The following LRRC4C variants were observed in gnomAD, a reference collection of about 807,000 sequenced individuals.
LRRC4C encodes leucine-rich repeat-containing protein 4C.
Under a neutral mutation model 33.6 loss-of-function variants are expected in LRRC4C, and 5 were observed. The ratio of observed to expected loss-of-function variants is 0.15; its 90% CI spans 0.08 to 0.31. The LOEUF is 0.31. Among genes scored for constraint, LRRC4C ranks in the 10% least tolerant of loss-of-function variants. LRRC4C has a pLI of 1.00. For synonymous variants in LRRC4C, 329 were observed against 302.0 expected, an observed-to-expected ratio of 1.09 and a Z score of -0.93; for missense variants, 560 against 796.7, an observed-to-expected ratio of 0.70 and a Z score of 3.58.
intron 2 of LRRC4C, among the ~76,000 whole-genome samples, chr11:40,700,082 C>T (rs1158226458): frequency 6.6e-6 from 1 of 151,962 alleles, no homozygotes; most frequent in Non-Finnish European, 1.5e-5. Context: ...GGGAGGGGGA[C>T]TTTTGAATGT....
At chr11:40,213,396 C>G (rs116674518) in intron 5 of LRRC4C, among the ~76,000 whole-genome samples, 11 of 152,198 alleles carry the variant, frequency 7.2e-5, no homozygotes, top group African/African-American at 1.9e-4. Flanking sequence ...TTGAATATGT[C>G]ACGCTGGACA....
chr11:40,895,002 T>C (rs1955875930), intron 2 of LRRC4C, among the ~76,000 whole-genome samples: 1 of 152,186 alleles, frequency 6.6e-6, no homozygotes. Context: ...AGTATAATGT[T>C]AATAAATGTT....
Position 40,706,396 on chromosome 11 carries a change from A to G in LRRC4C, c.-406-58118T>C, listed in dbSNP as rs902955514. On this transcript the variant is annotated intron_variant, in intron 2 of 6. Transcript: ENST00000528697. ...TGAATTAATTTTTGTATAAGTTGCA[A>G]GGAAGGGATCCAGTTTCAGCTTTCT... 3.3e-5 allele frequency among the ~76,000 whole-genome samples: 5 copies of G among 152,192 alleles called. No individual in the cohort carries two copies. The East Asian group carries it at 9.6e-4, about 29-fold the overall frequency.
At chr11:41,381,195 C>G (rs1438490305) in intron 1 of LRRC4C, among the ~76,000 whole-genome samples, 1 of 152,062 alleles carries the variant, frequency 6.6e-6, no homozygotes, top group Non-Finnish European at 1.5e-5. Context: ...TAACACCTCA[C>G]TGTTAAACTT....
chr11:41,076,029 C>T (rs1939126920), intron 1 of LRRC4C, among the ~76,000 whole-genome samples: 2 of 152,128 alleles, frequency 1.3e-5, no homozygotes, highest in South Asian at 4.1e-4. Context: ...CATTAAAGTG[C>T]CTTCTGTATT....
At chr11:40,134,052 A>G (rs560807224) in intron 6 of LRRC4C, among the ~76,000 whole-genome samples, 1 of 152,218 alleles carries the variant, frequency 6.6e-6, no homozygotes, top group Admixed American at 6.5e-5. Flanking sequence ...GAGGTATTAT[A>G]GCAGCACACA....
chr11:40,223,107 C>G (rs183304337), intron 5 of LRRC4C, among the ~76,000 whole-genome samples: 1 of 152,180 alleles, frequency 6.6e-6, no homozygotes, highest in Admixed American at 6.5e-5. Context: ...TTATAAAAGA[C>G]TTTGAATGGC....
intron 2 of LRRC4C, among the ~76,000 whole-genome samples, chr11:40,851,361 C>A (rs1158104708): frequency 6.6e-6 from 1 of 152,060 alleles, no homozygotes; most frequent in African/African-American, 2.4e-5. Context: ...ACAGCACAGT[C>A]CCTCATGGCT....
Position 40,817,479 on chromosome 11 carries a change from C to T in LRRC4C, c.-407+116156G>A, listed in dbSNP as rs576247903. ...AACGGTTATTCTGGCAAGACATAGT[C>T]CACCTGTCTTAGTAGAACTTAGTAG... On this transcript the variant is annotated intron_variant, in intron 2 of 6. Transcript: ENST00000528697. Among the ~76,000 whole-genome samples the T allele has an allele frequency of 2.6e-3, 391 of 152,216 alleles. 1 individual carries two copies. Among genetic ancestry groups the T allele is most frequent in the Non-Finnish European group, 4.1e-3 (276 of 67,990 alleles).
At chr11:41,374,969 T>C (rs1431050787) in intron 1 of LRRC4C, among the ~76,000 whole-genome samples, 1 of 151,706 alleles carries the variant, frequency 6.6e-6, no homozygotes, top group African/African-American at 2.4e-5. Flanking sequence ...CTACTAAAAA[T>C]ACAAAAAATT....
intron 2 of LRRC4C, among the ~76,000 whole-genome samples, chr11:40,743,577 T>G (rs2136924219): frequency 6.6e-6 from 1 of 152,220 alleles, no homozygotes; most frequent in Non-Finnish European, 1.5e-5. Context: ...TCATGTGAAC[T>G]AACATATTCA....
chr11:40,767,696 A>G (rs1949540500), intron 2 of LRRC4C, among the ~76,000 whole-genome samples: 1 of 152,114 alleles, frequency 6.6e-6, no homozygotes, highest in Non-Finnish European at 1.5e-5. Context: ...ACACACAGAA[A>G]GTAAACCATA....
At chr11:40,325,320 GGAA>G (rs1946044682) in intron 3 of LRRC4C, among the ~76,000 whole-genome samples, 1 of 152,196 alleles carries the variant, frequency 6.6e-6, no homozygotes, top group African/African-American at 2.4e-5. Context: ...CTCCAGGAAA[GGAA>G]GGGTCACTTA....
chr11:40,554,197 G>T (rs1434643451), intron 3 of LRRC4C, among the ~76,000 whole-genome samples: 1 of 152,084 alleles, frequency 6.6e-6, no homozygotes, highest in Non-Finnish European at 1.5e-5. Flanking sequence ...TGAATAGAAG[G>T]TCCTTTCACC....
chr11:40,430,163 A>G (rs917404038), intron 3 of LRRC4C, among the ~76,000 whole-genome samples: 3 of 150,660 alleles, frequency 2.0e-5, no homozygotes, highest in Non-Finnish European at 4.4e-5. Flanking sequence ...CATTCCAGAA[A>G]GATTTTTCTC....
intron 5 of LRRC4C, among the ~76,000 whole-genome samples, chr11:40,235,139 T>C (rs934069056): frequency 6.6e-5 from 10 of 152,228 alleles, no homozygotes; most frequent in Admixed American, 6.5e-4. Context: ...TTGTGGATTA[T>C]CCACACATTT....
intron 1 of LRRC4C, among the ~76,000 whole-genome samples, chr11:41,135,160 C>T (rs1217112452): frequency 6.6e-6 from 1 of 152,126 alleles, no homozygotes; most frequent in Non-Finnish European, 1.5e-5. Context: ...TTCATCTCTG[C>T]ATGACAGAAA....
chr11:40,813,827 G>A (rs1281532382), intron 2 of LRRC4C, among the ~76,000 whole-genome samples: 1 of 152,200 alleles, frequency 6.6e-6, no homozygotes, highest in South Asian at 2.1e-4. Flanking sequence ...AAATCAAATA[G>A]GACAGTCATT....
At chr11:40,804,350 T>A (rs995855587) in intron 2 of LRRC4C, among the ~76,000 whole-genome samples, 2 of 152,224 alleles carry the variant, frequency 1.3e-5, no homozygotes, top group Admixed American at 1.3e-4. Context: ...AGAATAAGAA[T>A]ATTTCTAGAG....
Sources: allele counts gnomAD v4.1 joint callset (sites outside exome capture counted in the v4.1 genomes callset), GRCh38; gene constraint gnomAD v4.1.1; transcripts MANE v1.5; gene names NCBI Gene and HGNC (gene_info 2026-07-23, HGNC 2026-07-21).